Variants in PRDM11 observed in about 807,000 individuals in gnomAD.
The protein encoded by PRDM11 is PR domain-containing protein 11.
In PRDM11, 20 loss-of-function variants were observed where a neutral mutation model predicts 97.8. That is an observed-to-expected ratio of 0.20 (90% CI 0.14 to 0.30). PRDM11 has a LOEUF of 0.30. Among genes scored for constraint, PRDM11 ranks in the 10% least tolerant of loss-of-function variants. PRDM11 has a pLI of 1.00. For missense variants in PRDM11, 1,139 were observed against 1,555.2 expected (o/e 0.73, Z 4.50); for synonymous variants, 599 against 637.7 (o/e 0.94, Z 0.91).
intron 4 of PRDM11, among the ~76,000 whole-genome samples, chr11:45,196,325 T>C (rs1251567845): frequency 6.6e-6 from 1 of 152,186 alleles, no homozygotes; most frequent in Non-Finnish European, 1.5e-5. Flanking sequence ...ATGCGCCGGT[T>C]GTGTACTTAA....
chr11:45,151,950 G>C (rs1393362760), intron 1 of PRDM11, among the ~76,000 whole-genome samples: 1 of 152,154 alleles, frequency 6.6e-6, no homozygotes, highest in Non-Finnish European at 1.5e-5. Flanking sequence ...CACTAATCCT[G>C]GTCCTCGGCA....
At chr11:45,176,582 G>C (rs1009748169) in intron 1 of PRDM11, among the ~76,000 whole-genome samples, 1 of 152,128 alleles carries the variant, frequency 6.6e-6, no homozygotes, top group Non-Finnish European at 1.5e-5. Context: ...GTTTCTCAAG[G>C]TTACACAGTT....
At chr11:45,192,656 G>A (rs1471646556) in intron 4 of PRDM11, among the ~76,000 whole-genome samples, 1 of 152,130 alleles carries the variant, frequency 6.6e-6, no homozygotes, top group African/African-American at 2.4e-5. Flanking sequence ...TTCTACTGTA[G>A]CTGTGTTTCT....
chr11:45,205,430 A>T (rs1057209802), intron 5 of PRDM11, among the ~76,000 whole-genome samples: 4 of 152,000 alleles, frequency 2.6e-5, no homozygotes, highest in Admixed American at 1.3e-4. Flanking sequence ...GCCATGTGCG[A>T]GGGACTCTGC....
chr11:45,109,297 C>A (rs550340613), intron 1 of PRDM11, among the ~76,000 whole-genome samples: 2 of 152,306 alleles, frequency 1.3e-5, no homozygotes, highest in African/African-American at 2.4e-5. Context: ...TTCTACCCAC[C>A]CCTGCCTTGA....
At chr11:45,094,513 G>A (rs7936926), upstream of PRDM11, among the ~76,000 whole-genome samples, 13,419 of 142,088 alleles carry the variant, frequency 0.094, 676 homozygotes, top group Admixed American at 0.14. Flanking sequence ...CAGGAAGGAA[G>A]AACATGCAGG....
chr11:45,139,526 C>A (rs1186420971), intron 1 of PRDM11, among the ~76,000 whole-genome samples: 1 of 145,602 alleles, frequency 6.9e-6, no homozygotes. Context: ...GAGATTGCAC[C>A]ACTGCACTCC....
chr11:45,172,421 C>T (rs1852222794), intron 1 of PRDM11, among the ~76,000 whole-genome samples: 1 of 152,190 alleles, frequency 6.6e-6, no homozygotes. Flanking sequence ...CTGAAGCTAT[C>T]TGGGGGGTCC....
Position 45,182,247 on chromosome 11 carries a change from T to C in PRDM11, c.121T>C (p.Ser41Pro), listed in dbSNP as rs1318371928. ...TTTGCGGGCCTCTGCCCTGGCCAGC[T>C]CTAGGAGACCGGACTCCTCGGCCAT... ...LRDQEYGQPCSRRPDSSAMEV... is the reference protein window; with the variant it reads ...LRDQEYGQPCPRRPDSSAMEV... The change falls in exon 3 of 8, where the codon TCT becomes CCT. Residue 41 changes from serine (S) to proline (P), a missense_variant and splice_region_variant. Ser to Pro is a moderately conservative substitution (Grantham distance 74). Coordinates refer to ENST00000683152, the MANE Select transcript of PRDM11 (RefSeq NM_001384648.1). The C allele has an allele frequency of 6.2e-7, 1 of 1,613,624 alleles. No individual in the cohort carries two copies. The highest frequency in any genetic ancestry group is 1.7e-5 in the Admixed American group (1 of 59,992).
chr11:45,188,119 C>G (rs1403698407), intron 4 of PRDM11, among the ~76,000 whole-genome samples: 3 of 152,156 alleles, frequency 2.0e-5, no homozygotes, highest in African/African-American at 7.2e-5. Flanking sequence ...ACATTTCCCT[C>G]CACACTCCCT....
chr11:45,212,007 C>G (rs142559276), intron 5 of PRDM11, among the ~76,000 whole-genome samples: 1 of 152,192 alleles, frequency 6.6e-6, no homozygotes, highest in Non-Finnish European at 1.5e-5. Flanking sequence ...AGGCAGGTGC[C>G]GCTCCTTCAG....
chr11:45,126,972 G>A (rs1224178856), intron 1 of PRDM11, among the ~76,000 whole-genome samples: 1 of 152,152 alleles, frequency 6.6e-6, no homozygotes, highest in Non-Finnish European at 1.5e-5. Context: ...TTTCAGGTAC[G>A]CCAATCAGAT....
At chr11:45,146,434 T>C (rs1851509987), upstream of PRDM11, among the ~76,000 whole-genome samples, 1 of 152,150 alleles carries the variant, frequency 6.6e-6, no homozygotes, top group South Asian at 2.1e-4. Flanking sequence ...TTTTTCTCGA[T>C]TTCTCCACGG....
chr11:45,112,446 A>G (rs1852202738), intron 1 of PRDM11, among the ~76,000 whole-genome samples: 2 of 152,216 alleles, frequency 1.3e-5, no homozygotes, highest in East Asian at 1.9e-4. Context: ...TTCTTTGGGT[A>G]GACACCCAGT....
chr11:45,224,153 T>G (rs1175325568), intron 6 of PRDM11, 64 bp from the exon 7 acceptor site: 1 of 1,509,254 alleles, frequency 6.6e-7, no homozygotes, highest in Non-Finnish European at 8.8e-7. Flanking sequence ...CTGCTTTGTT[T>G]TCTGTTGGTT....
At chr11:45,199,022 T>G (rs1853231346) in intron 4 of PRDM11, among the ~76,000 whole-genome samples, 1 of 151,938 alleles carries the variant, frequency 6.6e-6, no homozygotes, top group South Asian at 2.1e-4. Context: ...CTTGACATAG[T>G]GAAGGTACTC....
At chr11:45,103,316 C>T (rs1051664072) in intron 1 of PRDM11, among the ~76,000 whole-genome samples, 2 of 152,056 alleles carry the variant, frequency 1.3e-5, no homozygotes, top group Non-Finnish European at 2.9e-5. Flanking sequence ...TATGAAACTA[C>T]AGCAAATGGG....
At chr11:45,105,725 C>G (rs1443747926) in intron 1 of PRDM11, among the ~76,000 whole-genome samples, 2 of 152,256 alleles carry the variant, frequency 1.3e-5, no homozygotes, top group East Asian at 3.9e-4. Flanking sequence ...GACGTAGCCT[C>G]AGGCTCTGAT....
At chr11:45,122,454 AG>A (rs1852457978) in intron 1 of PRDM11, among the ~76,000 whole-genome samples, 1 of 150,810 alleles carries the variant, frequency 6.6e-6, no homozygotes, top group African/African-American at 2.5e-5. Context: ...CTCGTCATTT[AG>A]CATTAGGTAT....
Sources: allele counts gnomAD v4.1 joint callset (sites outside exome capture counted in the v4.1 genomes callset), GRCh38; gene constraint gnomAD v4.1.1; transcripts MANE v1.5; gene names NCBI Gene and HGNC (gene_info 2026-07-23, HGNC 2026-07-21).